Variants in MAP7 observed in about 807,000 individuals in gnomAD.
MAP7 encodes ensconsin.
MAP7 carries 52 observed loss-of-function variants against 94.8 expected under a neutral mutation model. The ratio of observed to expected loss-of-function variants is 0.55; its 90% confidence interval spans 0.44 to 0.69. The LOEUF (loss-of-function observed/expected upper bound fraction) is 0.69, where lower values mean the gene tolerates loss of function less well. Ranked by LOEUF, MAP7 falls within the 30% of genes least tolerant of loss-of-function variation. The pLI is 0.00. For synonymous variants in MAP7, 350 were observed against 357.0 expected (o/e 0.98, Z 0.22); for missense variants, 940 against 964.6 (o/e 0.97, Z 0.34).
chr6:136,371,052 G>A (rs906356380), intron 8 of MAP7, among the ~76,000 whole-genome samples: 5 of 151,978 alleles, frequency 3.3e-5, no homozygotes, highest in East Asian at 1.9e-4. Context: ...ACTCTGAGTC[G>A]TTTTCTGTTA....
chr6:136,519,420 C>T (rs934039399), intron 1 of MAP7, among the ~76,000 whole-genome samples: 1 of 151,924 alleles, frequency 6.6e-6, no homozygotes, highest in African/African-American at 2.4e-5. Flanking sequence ...CCTTACAGAA[C>T]AAAAGAGAAA....
At chr6:136,535,714 CTTTT>C (rs200943172) in intron 1 of MAP7, among the ~76,000 whole-genome samples, 1 of 137,340 alleles carries the variant, frequency 7.3e-6, no homozygotes, top group Admixed American at 7.2e-5. Flanking sequence ...CTTTTTTTTT[CTTTT>C]TTTTTTAGTA....
At chr6:136,457,535 C>T (rs552606638) in intron 1 of MAP7, among the ~76,000 whole-genome samples, 2 of 152,242 alleles carry the variant, frequency 1.3e-5, no homozygotes, top group Non-Finnish European at 2.9e-5. Flanking sequence ...AGGCCAATAA[C>T]CCTGATGAAG....
intron 1 of MAP7, among the ~76,000 whole-genome samples, chr6:136,426,716 C>G (rs1793272400): frequency 6.6e-6 from 1 of 152,276 alleles, no homozygotes; most frequent in South Asian, 2.1e-4. Context: ...GTCAGAACAG[C>G]AGGTTTAGGA....
At chr6:136,530,864 T>C (rs1828425093) in intron 1 of MAP7, among the ~76,000 whole-genome samples, 1 of 144,920 alleles carries the variant, frequency 6.9e-6, no homozygotes, top group Admixed American at 6.7e-5. Context: ...CAGCCAGAAG[T>C]ACCAGGTCCC....
intron 1 of MAP7, among the ~76,000 whole-genome samples, chr6:136,478,887 C>G (rs933148175): frequency 6.7e-6 from 1 of 150,088 alleles, no homozygotes; most frequent in African/African-American, 2.4e-5. Flanking sequence ...TAATGCTAAT[C>G]CTACTCAAAT....
intron 6 of MAP7, among the ~76,000 whole-genome samples, chr6:136,379,499 G>C (rs1777142933): frequency 6.6e-6 from 1 of 152,198 alleles, no homozygotes. Flanking sequence ...ATGTGCAGCA[G>C]TGTAACAACA....
At chr6:136,510,463 G>A (rs574680673) in intron 1 of MAP7, among the ~76,000 whole-genome samples, 1 of 152,280 alleles carries the variant, frequency 6.6e-6, no homozygotes, top group African/African-American at 2.4e-5. Flanking sequence ...ACACCAGTGA[G>A]TGGGAAGGAG....
intron 1 of MAP7, among the ~76,000 whole-genome samples, chr6:136,452,064 C>T (rs1283021827): frequency 3.3e-5 from 5 of 152,062 alleles, no homozygotes; most frequent in Admixed American, 3.3e-4. Context: ...CATGGTGGCA[C>T]ATGCCTGTAA....
intron 5 of MAP7, among the ~76,000 whole-genome samples, chr6:136,387,521 T>C (rs1366188853): frequency 3.9e-5 from 6 of 152,162 alleles, no homozygotes; most frequent in Admixed American, 2.0e-4. Context: ...CATGCGTTGA[T>C]GACTAAGGTG....
At chr6:136,358,629 G>A (rs1322194709) in intron 15 of MAP7, among the ~76,000 whole-genome samples, 1 of 152,132 alleles carries the variant, frequency 6.6e-6, no homozygotes, top group Non-Finnish European at 1.5e-5. Flanking sequence ...ATGTTTATAG[G>A]CAATGTTCTG....
intron 10 of MAP7, chr6:136,364,403 G>A (rs1323481712): frequency 2.9e-6 from 1 of 345,384 alleles, no homozygotes; most frequent in Non-Finnish European, 5.5e-6. Flanking sequence ...AGAAATAGAA[G>A]CAAAGAAAAG....
Position 136,386,665 on chromosome 6 carries a change from G to A in MAP7, c.526+1728C>T, listed in dbSNP as rs186741664. Among the ~76,000 whole-genome samples, 346 of 152,278 alleles carry A rather than the reference G, an allele frequency of 2.3e-3. 1 individual carries two copies. Among genetic ancestry groups the A allele is most frequent in the South Asian group, 0.01 (49 of 4,820 alleles). On this transcript the variant is annotated intron_variant, in intron 5 of 17. Transcript: ENST00000354570. ...CATCAACAAAATCTCATATGTAAATGATCTGTATAACAGATTTAATATGTA... is the reference window on the plus strand; with the variant it reads ...CATCAACAAAATCTCATATGTAAATAATCTGTATAACAGATTTAATATGTA...
intron 2 of MAP7, among the ~76,000 whole-genome samples, chr6:136,413,915 C>T (rs1788333262): frequency 6.6e-6 from 1 of 151,952 alleles, no homozygotes; most frequent in Non-Finnish European, 1.5e-5. Context: ...ATAAACCAGG[C>T]AGTGTGGATG....
At chr6:136,416,714 G>A (rs1789557452) in intron 2 of MAP7, among the ~76,000 whole-genome samples, 4 of 152,008 alleles carry the variant, frequency 2.6e-5, no homozygotes, top group Admixed American at 2.0e-4. Context: ...GCTGAGGCAG[G>A]AGAATCGCTT....
At chr6:136,465,684 A>G (rs1806781519) in intron 1 of MAP7, among the ~76,000 whole-genome samples, 1 of 152,234 alleles carries the variant, frequency 6.6e-6, no homozygotes, top group African/African-American at 2.4e-5. Context: ...AGTAAATGTC[A>G]GAGCTAAAAG....
chr6:136,363,812 T>G (rs1387472475), intron 10 of MAP7, among the ~76,000 whole-genome samples: 1 of 152,186 alleles, frequency 6.6e-6, no homozygotes, highest in African/African-American at 2.4e-5. Flanking sequence ...AGGAATAGCA[T>G]TGCCAGATTT....
At position 136,526,277 on chromosome 6, in the gene MAP7, G is replaced by GCACACACACACACA. The variant is rs61514681; in HGVS notation, c.67+24051_67+24064dup. The GCACACACACACACA allele has an allele frequency of 3.8e-6, 3 of 784,856 alleles. No homozygotes were observed. The African/African-American group carries it at 5.6e-5, about 15-fold the overall frequency. The allele number at this position is 784,856 out of a possible 1,614,324, so 48.6% of individuals were successfully genotyped here. ...CTCATGCATGCACGTACACGCGCGC[G>GCACACACACACACA]CACACACACACACACACACACACTC... On this transcript the variant is annotated intron_variant, in intron 1 of 17. Transcript: ENST00000354570.
rs116826018 is a variant in MAP7, at chr6:136,401,938, C to T, written c.244+9682G>A. Reference sequence around the variant, plus strand: ...TTCTAGTCTTTAACCACTTCAAATCCATCCTACACATTAGTCGTCTCAGAG... The same window carrying T: ...TTCTAGTCTTTAACCACTTCAAATCTATCCTACACATTAGTCGTCTCAGAG... On this transcript the variant is annotated intron_variant, in intron 3 of 17. Coordinates refer to ENST00000354570, the MANE Select transcript of MAP7 (RefSeq NM_003980.6). Among the ~76,000 whole-genome samples the T allele has an allele frequency of 4.9e-3, 746 of 152,246 alleles. 6 individuals carry two copies. The highest frequency in any genetic ancestry group is 0.017 in the African/African-American group (712 of 41,540).
Sources: gnomAD v4.1 joint callset for allele counts (sites outside exome capture counted in the v4.1 genomes callset) on GRCh38, gnomAD v4.1.1 for gene constraint, MANE v1.5 for transcripts, NCBI Gene and HGNC (gene_info 2026-07-23, HGNC 2026-07-21) for gene names.